CR1L: variants seen among roughly 807,000 people sequenced by gnomAD.
The protein encoded by CR1L is complement C3b/C4b receptor 1 like.
CR1L carries 59 observed loss-of-function variants against 62.3 expected under a neutral mutation model. The ratio of observed to expected loss-of-function variants is 0.95; its 90% confidence interval spans 0.77 to 1.18. The LOEUF is 1.18. CR1L is among the 50% of genes most tolerant of loss of function. The probability of loss-of-function intolerance (pLI) is 0.00; values close to 1 mark genes in which losing one functional copy is unlikely to be tolerated. For missense variants in CR1L, 700 were observed against 702.8 expected, an observed-to-expected ratio of 1.00 and a Z score of 0.04; for synonymous variants, 279 against 248.7, an observed-to-expected ratio of 1.12 and a Z score of -1.15.
chr1:207,678,133 C>A (rs1203005106), intron 2 of CR1L, 65 bp from the exon 3 acceptor site: 1 of 1,427,310 alleles, frequency 7.0e-7, no homozygotes, highest in Non-Finnish European at 9.9e-7. Flanking sequence ...AGGTTGAGAC[C>A]TTATGTACTA....
Position 207,710,336 on chromosome 1 carries a change from C to T in CR1L, c.1414+2073C>T, listed in dbSNP as rs1571534490. 37 of 1,163,250 alleles carry T rather than the reference C, an allele frequency of 3.2e-5. No homozygotes were observed. The East Asian group carries it at 8.7e-4, about 27-fold the overall frequency. 72.1% of individuals were successfully genotyped at this position (1,163,250 alleles called of 1,614,324 possible). A position where few individuals can be genotyped will look rare whatever the true frequency, so the allele number is the denominator to read the frequency against. On this transcript the variant is annotated intron_variant, in intron 10 of 11. Transcript: ENST00000508064. The stretch of plus-strand genomic sequence containing the variant: ...CCAGCCTGGGCGACAGAGCAAGACT[C>T]TGTCCCAAGGTTTTGTTTTGGTGAA...
chr1:207,650,687 A>C (rs1663208567), intron 1 of CR1L, among the ~76,000 whole-genome samples: 1 of 152,214 alleles, frequency 6.6e-6, no homozygotes, highest in Non-Finnish European at 1.5e-5. Context: ...TTCTGGTAAT[A>C]CTAATCTGGG....
rs12068353 is a variant in CR1L, at chr1:207,692,798, A to C, written c.464-1555A>C. On this transcript the variant is annotated intron_variant, in intron 4 of 11. Coordinates refer to ENST00000508064, the MANE Select transcript of CR1L (RefSeq NM_175710.2). ...TGCCATACCCCCAGCCCGTAATAAA[A>C]TCTTTACTTCCATCTTGTGTTTCTT... 6.7e-3 allele frequency among the ~76,000 whole-genome samples: 1,014 copies of C among 151,716 alleles called. 7 individuals are homozygous for C. Among genetic ancestry groups the C allele is most frequent in the African/African-American group, 0.023 (955 of 41,524 alleles).
At position 207,646,822 on chromosome 1, in the gene CR1L, C is replaced by T. The variant is rs539115909; in HGVS notation, c.97+1492C>T. Reference sequence around the variant, plus strand: ...CTGTTTTTAATATTTTGTTATATTTCCTTCTGACTTTATTGTGTTTCATGT... The same window carrying T: ...CTGTTTTTAATATTTTGTTATATTTTCTTCTGACTTTATTGTGTTTCATGT... On this transcript the variant is annotated intron_variant, in intron 1 of 11. Transcript: ENST00000508064. Among the ~76,000 whole-genome samples, 11 of 150,966 alleles carry T rather than the reference C, an allele frequency of 7.3e-5. No individual in the cohort carries two copies. In the East Asian group the frequency reaches 2.1e-3, roughly 29 times the overall value.
intron 1 of CR1L, among the ~76,000 whole-genome samples, chr1:207,666,657 C>T (rs55883147): frequency 0.063 from 9,517 of 152,158 alleles, 622 homozygotes; most frequent in East Asian, 0.36. Flanking sequence ...ATGATGAGAA[C>T]ACATGGACAG....
At chr1:207,654,321 G>T (rs1663272999) in intron 1 of CR1L, among the ~76,000 whole-genome samples, 1 of 152,124 alleles carries the variant, frequency 6.6e-6, no homozygotes, top group African/African-American at 2.4e-5. Flanking sequence ...AAATATTGGA[G>T]TATTCAATTA....
At chr1:207,670,070 C>G (rs1377488622) in intron 1 of CR1L, among the ~76,000 whole-genome samples, 1 of 150,978 alleles carries the variant, frequency 6.6e-6, no homozygotes, top group Non-Finnish European at 1.5e-5. Context: ...TAAAGCCTGT[C>G]GAGTATCTAA....
chr1:207,649,081 A>C (rs1055235469), intron 1 of CR1L, among the ~76,000 whole-genome samples: 9 of 152,176 alleles, frequency 5.9e-5, no homozygotes, highest in African/African-American at 2.2e-4. Context: ...ATTACCTGAG[A>C]GATCCATGCA....
At chr1:207,667,898 G>C (rs1310512364) in intron 1 of CR1L, among the ~76,000 whole-genome samples, 1 of 151,008 alleles carries the variant, frequency 6.6e-6, no homozygotes, top group Non-Finnish European at 1.5e-5. Flanking sequence ...CATAGAAATG[G>C]CCAACGAATA....
rs1208528943 is a variant in CR1L, at chr1:207,664,242, G to C, written c.98-13147G>C. On this transcript the variant is annotated intron_variant, in intron 1 of 11. Coordinates refer to ENST00000508064, the MANE Select transcript of CR1L (RefSeq NM_175710.2). ...CTAATTGTAGGAAGAGCATTAGCCT[G>C]CGTAGACTATGCTTAATTAACATCA... is the stretch of plus-strand genomic sequence containing the variant. Among the ~76,000 whole-genome samples the C allele has an allele frequency of 1.3e-5, 2 of 152,184 alleles. 1 individual carries two copies. Among genetic ancestry groups the C allele is most frequent in the Admixed American group, 1.3e-4 (2 of 15,288 alleles).
At chr1:207,660,223 G>T (rs1451798014) in intron 1 of CR1L, among the ~76,000 whole-genome samples, 1 of 152,246 alleles carries the variant, frequency 6.6e-6, no homozygotes, top group African/African-American at 2.4e-5. Flanking sequence ...GCCTCCCCAA[G>T]TGGGTCCCTG....
intron 11 of CR1L, among the ~76,000 whole-genome samples, chr1:207,719,944 A>G (rs1654093350): frequency 6.6e-6 from 1 of 152,226 alleles, no homozygotes; most frequent in Non-Finnish European, 1.5e-5. Flanking sequence ...ATAAATGGTC[A>G]ACGGACCTAA....
chr1:207,650,095 C>A (rs1663200092), intron 1 of CR1L, among the ~76,000 whole-genome samples: 1 of 152,024 alleles, frequency 6.6e-6, no homozygotes, highest in Non-Finnish European at 1.5e-5. Flanking sequence ...TGACACATTC[C>A]AAGTAGAGCT....
intron 1 of CR1L, among the ~76,000 whole-genome samples, chr1:207,648,174 A>AACACACACACACAC (rs71154832): frequency 1.6e-5 from 2 of 125,362 alleles, no homozygotes; most frequent in South Asian, 5.4e-4. Context: ...CCCGGTCTCA[A>AACACACACACACAC]ACACACACAC....
At chr1:207,663,579 C>A (rs188058441) in intron 1 of CR1L, among the ~76,000 whole-genome samples, 2 of 152,232 alleles carry the variant, frequency 1.3e-5, no homozygotes, top group Admixed American at 6.5e-5. Flanking sequence ...TTCCCTGACC[C>A]CTTGTGATTC....
rs1558021751 is a variant in CR1L at position 207,697,615 on chromosome 1, A to G, written c.975A>G (p.Arg325=). ...FYSCEPGYDL[R]GSTYLHCTPQ... is the part of the protein sequence containing the mutation. ...GCTGTGAGCCCGGCTACGACCTCAG[A>G]GGATCTACGTATTTGCACTGCACAC... is the stretch of plus-strand genomic sequence containing the variant. Residue 325 remains arginine (R), a synonymous_variant, in exon 6 of 12, where the codon AGA becomes AGG. Transcript: ENST00000508064. 2.5e-6 allele frequency: 4 copies of G among 1,613,972 alleles called. No homozygotes were observed. The highest frequency in any genetic ancestry group is 3.4e-6 in the Non-Finnish European group (4 of 1,179,864).
At chr1:207,702,995 A>G (rs1281080541) in intron 9 of CR1L, among the ~76,000 whole-genome samples, 2 of 152,196 alleles carry the variant, frequency 1.3e-5, no homozygotes, top group African/African-American at 4.8e-5. Context: ...GAGGCATGAG[A>G]ATAACTTGAA....
At chr1:207,710,429 A>G in intron 10 of CR1L, 14 of 1,573,586 alleles carry the variant, frequency 8.9e-6, no homozygotes, top group Non-Finnish European at 1.2e-5. Flanking sequence ...ATATTTCATT[A>G]GCACCGACAG....
intron 11 of CR1L, among the ~76,000 whole-genome samples, chr1:207,723,368 C>T (rs1458096858): frequency 4.7e-5 from 7 of 148,682 alleles, no homozygotes; most frequent in East Asian, 4.0e-4. Flanking sequence ...AGGCAGAGGT[C>T]GCAGTGAGGT....
Sources: gnomAD v4.1 joint callset for allele counts (sites outside exome capture counted in the v4.1 genomes callset) on GRCh38, gnomAD v4.1.1 for gene constraint, MANE v1.5 for transcripts, NCBI Gene and HGNC (gene_info 2026-07-23, HGNC 2026-07-21) for gene names.